Variants in SGCD observed in about 807,000 individuals in gnomAD.
The protein encoded by SGCD is sarcoglycan delta.
Under a neutral mutation model 36.6 loss-of-function variants are expected in SGCD, and 18 were observed. The observed-to-expected ratio is 0.49, with a 90% CI of 0.34 to 0.73. The LOEUF (loss-of-function observed/expected upper bound fraction) is 0.73, where lower values mean the gene tolerates loss of function less well. SGCD is among the 30% of genes least tolerant of loss of function. SGCD has a pLI of 0.01. For synonymous variants in SGCD, 133 were observed against 130.6 expected (o/e 1.02, Z -0.12); for missense variants, 387 against 346.7 (o/e 1.12, Z -0.92).
intron 3 of SGCD, among the ~76,000 whole-genome samples, chr5:156,357,982 G>A (rs1195463764): frequency 6.6e-6 from 1 of 152,186 alleles, no homozygotes; most frequent in African/African-American, 2.4e-5. Context: ...ATGAGGTAAA[G>A]GGTTAAAGTC....
intron 1 of SGCD, among the ~76,000 whole-genome samples, chr5:156,114,374 C>G (rs538592289): frequency 6.6e-6 from 1 of 152,214 alleles, no homozygotes; most frequent in Admixed American, 6.5e-5. Flanking sequence ...GGTACCCTCA[C>G]GCAAGCCACA....
chr5:156,546,570 T>C (rs113916519), intron 4 of SGCD, among the ~76,000 whole-genome samples: 3 of 152,176 alleles, frequency 2.0e-5, no homozygotes, highest in African/African-American at 7.2e-5. Flanking sequence ...TCAGATTATT[T>C]TATCTCATTG....
the SGCD span, among the ~76,000 whole-genome samples, chr5:155,805,452 C>T: frequency 6.6e-6 from 1 of 152,168 alleles, no homozygotes; most frequent in South Asian, 2.1e-4. Context: ...TCAATCTGGG[C>T]ACTATTTCAG....
intron 1 of SGCD, among the ~76,000 whole-genome samples, chr5:155,920,096 C>A (rs965066184): frequency 1.3e-5 from 2 of 152,160 alleles, no homozygotes; most frequent in African/African-American, 2.4e-5. Flanking sequence ...CATGTCCTGG[C>A]TGCCTCAGAC....
chr5:155,839,364 T>C, the SGCD span, among the ~76,000 whole-genome samples: 1 of 152,158 alleles, frequency 6.6e-6, no homozygotes, highest in Admixed American at 6.5e-5. Context: ...AAAATTTGCC[T>C]ATAAATGATT....
In SGCD at chr5:156,053,291, G is replaced by A. The variant is rs1006790867; in HGVS notation, c.-281-64587G>A. Reference sequence around the variant, plus strand: ...AATGCAGCACCACTCCCCAGTCCCCGGCCATGTAACATGGTCACCATCCTG... The same window carrying A: ...AATGCAGCACCACTCCCCAGTCCCCAGCCATGTAACATGGTCACCATCCTG... On this transcript the variant is annotated intron_variant, in intron 1 of 9. Coordinates refer to the SGCD transcript ENST00000517913. Among the ~76,000 whole-genome samples, 18 of 145,792 alleles carry A rather than the reference G, an allele frequency of 1.2e-4. 2 individuals are homozygous for A. Among genetic ancestry groups the A allele is most frequent in the Non-Finnish European group, 2.2e-4 (14 of 64,696 alleles).
intron 1 of SGCD, among the ~76,000 whole-genome samples, chr5:155,904,937 T>C (rs751940654): frequency 2.6e-5 from 4 of 152,206 alleles, no homozygotes; most frequent in Non-Finnish European, 4.4e-5. Context: ...AATCTCCTTC[T>C]GTGAGTCTCC....
intron 1 of SGCD, among the ~76,000 whole-genome samples, chr5:155,882,722 T>C (rs1443329540): frequency 6.6e-6 from 1 of 152,198 alleles, no homozygotes. Flanking sequence ...AAAACAGATA[T>C]GCTATCATTT....
intron 6 of SGCD, among the ~76,000 whole-genome samples, chr5:156,595,978 G>A (rs986750844): frequency 4.6e-5 from 7 of 152,112 alleles, no homozygotes; most frequent in African/African-American, 1.2e-4. Context: ...CCAGCTGACC[G>A]GGTTTTTAAT....
At chr5:156,109,214 T>C (rs1761724017) in intron 1 of SGCD, among the ~76,000 whole-genome samples, 1 of 152,172 alleles carries the variant, frequency 6.6e-6, no homozygotes, top group East Asian at 1.9e-4. Flanking sequence ...TTGCTTACCT[T>C]CTTGTGAAGT....
chr5:155,772,729 AT>A, the SGCD span, among the ~76,000 whole-genome samples: 2 of 151,732 alleles, frequency 1.3e-5, no homozygotes, highest in Non-Finnish European at 2.9e-5. Flanking sequence ...GGGTACCCCC[AT>A]TTTTTTCTAA....
intron 3 of SGCD, among the ~76,000 whole-genome samples, chr5:156,353,692 T>C (rs1769363770): frequency 6.6e-6 from 1 of 152,236 alleles, no homozygotes; most frequent in African/African-American, 2.4e-5. Flanking sequence ...CTCTCAGTGC[T>C]TTGACTGTGT....
chr5:155,849,095 TTAC>T, the SGCD span, among the ~76,000 whole-genome samples: 4 of 152,098 alleles, frequency 2.6e-5, no homozygotes, highest in Non-Finnish European at 5.9e-5. Flanking sequence ...AGGAACCAAA[TTAC>T]CTGGTATTGT....
chr5:156,184,373 T>A (rs1333192680), intron 3 of SGCD, among the ~76,000 whole-genome samples: 1 of 144,450 alleles, frequency 6.9e-6, no homozygotes, highest in Non-Finnish European at 1.6e-5. Flanking sequence ...AGCAGCCAGT[T>A]TTTTTTTTTT....
intron 3 of SGCD, among the ~76,000 whole-genome samples, chr5:156,303,545 C>T (rs1297638914): frequency 6.6e-6 from 1 of 151,306 alleles, no homozygotes; most frequent in Admixed American, 6.6e-5. Flanking sequence ...CAGAAGGAGT[C>T]TGTCCTCATG....
intron 3 of SGCD, among the ~76,000 whole-genome samples, chr5:156,435,196 T>C (rs1265269424): frequency 6.6e-6 from 1 of 152,228 alleles, no homozygotes; most frequent in Non-Finnish European, 1.5e-5. Flanking sequence ...TGCCATTCTA[T>C]TTACAAGAAG....
chr5:156,601,845 G>A (rs781362621), intron 6 of SGCD, among the ~76,000 whole-genome samples: 16 of 151,570 alleles, frequency 1.1e-4, no homozygotes, highest in Non-Finnish European at 1.5e-4. Flanking sequence ...CACCACGCCC[G>A]GCTAATTTTT....
At chr5:156,080,354 A>G (rs1194957443) in intron 1 of SGCD, among the ~76,000 whole-genome samples, 2 of 152,160 alleles carry the variant, frequency 1.3e-5, no homozygotes, top group African/African-American at 4.8e-5. Context: ...TGTCTTGGCT[A>G]ATTGCACTTG....
At chr5:156,343,572 GAT>G (rs1768779573) in intron 2 of SGCD, among the ~76,000 whole-genome samples, 1 of 152,166 alleles carries the variant, frequency 6.6e-6, no homozygotes, top group Non-Finnish European at 1.5e-5. Context: ...GGATAGAAGT[GAT>G]ATGTTTACCT....
Sources: allele counts gnomAD v4.1 joint callset (sites outside exome capture counted in the v4.1 genomes callset), GRCh38; gene constraint gnomAD v4.1.1; transcripts MANE v1.5; gene names NCBI Gene and HGNC (gene_info 2026-07-23, HGNC 2026-07-21).